TP63: variants seen among roughly 807,000 people sequenced by gnomAD.
TP63 encodes tumor protein p63.
TP63 carries 17 observed loss-of-function variants against 82.8 expected under a neutral mutation model. The ratio of observed to expected loss-of-function variants is 0.21; its 90% CI spans 0.14 to 0.31. The LOEUF (loss-of-function observed/expected upper bound fraction) is 0.31. Among genes scored for constraint, TP63 ranks in the 10% least tolerant of loss-of-function variants. The probability of loss-of-function intolerance (pLI) is 1.00; values close to 1 mark genes in which losing one functional copy is unlikely to be tolerated. For synonymous variants in TP63, 330 were observed against 321.7 expected, an observed-to-expected ratio of 1.03 and a Z score of -0.28; for missense variants, 648 against 895.3, an observed-to-expected ratio of 0.72 and a Z score of 3.52.
intron 4 of TP63, among the ~76,000 whole-genome samples, chr3:189,847,971 A>G (rs1019708380): frequency 3.9e-5 from 6 of 152,114 alleles, no homozygotes; most frequent in Admixed American, 2.0e-4. Flanking sequence ...TATTCACTCA[A>G]ATTCACTCTG....
chr3:189,733,530 T>C (rs1279333834), intron 1 of TP63, among the ~76,000 whole-genome samples: 1 of 152,216 alleles, frequency 6.6e-6, no homozygotes, highest in Non-Finnish European at 1.5e-5. Context: ...TTTGGATCTT[T>C]GGATGTTGGG....
intron 7 of TP63, 59 bp downstream of exon 7, chr3:189,868,001 T>C: frequency 7.2e-7 from 1 of 1,393,736 alleles, no homozygotes; most frequent in South Asian, 1.2e-5. Flanking sequence ...GAGGGCAAAG[T>C]GAAATCGTGG....
Position 189,770,145 on chromosome 3 carries a change from A to G in TP63, c.324+31371A>G, listed in dbSNP as rs77001531. ...TTAGTGCCTTTAGAAAAGTGGTACA[A>G]TCTGAATCTTCTAAATGCTGCATAT... On this transcript the variant is annotated intron_variant, in intron 3 of 13. Transcript: ENST00000264731. Among the ~76,000 whole-genome samples the G allele has an allele frequency of 9.8e-3, 1,493 of 152,340 alleles. 18 individuals are homozygous for G. The highest frequency in any genetic ancestry group is 0.033 in the African/African-American group (1,374 of 41,570).
chr3:189,861,341 G>A (rs959536936), intron 4 of TP63, among the ~76,000 whole-genome samples: 1 of 152,030 alleles, frequency 6.6e-6, no homozygotes, highest in African/African-American at 2.4e-5. Context: ...TCAGGGAATA[G>A]CATTTTGAAT....
rs375773035 is a variant in TP63 at position 189,679,975 on chromosome 3, C to G, written c.62+48398C>G. Reference sequence around the variant, plus strand: ...TCTCTATTCTGTTCCATTTGGTATACATGTTAGTTTTTATGACAGTACCAC... The same window carrying G: ...TCTCTATTCTGTTCCATTTGGTATAGATGTTAGTTTTTATGACAGTACCAC... On this transcript the variant is annotated intron_variant, in intron 1 of 13. Coordinates refer to ENST00000264731, the MANE Select transcript of TP63 (RefSeq NM_003722.5). Among the ~76,000 whole-genome samples the G allele has an allele frequency of 4.6e-5, 7 of 152,230 alleles. No individual in the cohort carries two copies. In the East Asian group the frequency reaches 1.2e-3, roughly 25 times the overall value.
intron 6 of TP63, among the ~76,000 whole-genome samples, chr3:189,867,271 A>G (rs1176097572): frequency 1.3e-5 from 2 of 152,090 alleles, no homozygotes; most frequent in Non-Finnish European, 2.9e-5. Context: ...ACAGGACCCA[A>G]GTTCTTTGGT....
intron 3 of TP63, among the ~76,000 whole-genome samples, chr3:189,746,180 T>A (rs1384573158): frequency 6.6e-6 from 1 of 151,848 alleles, no homozygotes; most frequent in Non-Finnish European, 1.5e-5. Flanking sequence ...AAAAGTTTTG[T>A]CACTTATAAA....
intron 3 of TP63, among the ~76,000 whole-genome samples, chr3:189,803,572 A>C (rs1726546201): frequency 6.6e-6 from 1 of 152,182 alleles, no homozygotes; most frequent in Non-Finnish European, 1.5e-5. Context: ...GGGTATCTTT[A>C]TACCTACCAT....
At chr3:189,661,971 T>A (rs973465282) in intron 1 of TP63, among the ~76,000 whole-genome samples, 2 of 152,224 alleles carry the variant, frequency 1.3e-5, no homozygotes, top group Middle Eastern at 6.8e-3. Context: ...TCTTTGTTAA[T>A]CTAGCTAGAG....
At chr3:189,657,755 A>G (rs1713513026) in intron 1 of TP63, among the ~76,000 whole-genome samples, 2 of 152,116 alleles carry the variant, frequency 1.3e-5, no homozygotes, top group South Asian at 2.1e-4. Context: ...TTTACCTTGT[A>G]TTAGATATGG....
intron 1 of TP63, among the ~76,000 whole-genome samples, chr3:189,647,288 T>C (rs942489405): frequency 6.8e-6 from 1 of 147,098 alleles, no homozygotes; most frequent in African/African-American, 2.5e-5. Context: ...TTCTAGGCTT[T>C]TCTTAATTAG....
At chr3:189,834,035 T>C (rs1712754167) in intron 4 of TP63, among the ~76,000 whole-genome samples, 1 of 152,172 alleles carries the variant, frequency 6.6e-6, no homozygotes, top group South Asian at 2.1e-4. Flanking sequence ...CGTATGTGCA[T>C]TTGTGTTGCA....
chr3:189,860,345 A>G (rs1028259362), intron 4 of TP63, among the ~76,000 whole-genome samples: 1 of 152,190 alleles, frequency 6.6e-6, no homozygotes, highest in African/African-American at 2.4e-5. Flanking sequence ...CCATGTTCCA[A>G]TCTTGCAGAA....
chr3:189,610,197 C>A, the TP63 span, among the ~76,000 whole-genome samples: 1 of 152,012 alleles, frequency 6.6e-6, no homozygotes, highest in Non-Finnish European at 1.5e-5. Flanking sequence ...TCTGTTCATG[C>A]AATTTACCCA....
At chr3:189,721,260 G>C (rs1577301477) in intron 1 of TP63, among the ~76,000 whole-genome samples, 2 of 152,326 alleles carry the variant, frequency 1.3e-5, no homozygotes, top group East Asian at 3.9e-4. Flanking sequence ...AGGGCTACTT[G>C]TGTAACAGAG....
At chr3:189,829,908 A>G (rs73199745) in intron 4 of TP63, 39,258 of 391,952 alleles carry the variant, frequency 0.1, 2,413 homozygotes, top group Middle Eastern at 0.16. Flanking sequence ...TTTCTGCAGT[A>G]AATTTGTATT....
chr3:189,740,527 T>G (rs1344482883), intron 3 of TP63, among the ~76,000 whole-genome samples: 1 of 152,266 alleles, frequency 6.6e-6, no homozygotes, highest in South Asian at 2.1e-4. Context: ...ATGAGCAGGG[T>G]CTCCCTCTGT....
At chr3:189,648,607 C>CTT (rs1712620090) in intron 1 of TP63, among the ~76,000 whole-genome samples, 1 of 147,258 alleles carries the variant, frequency 6.8e-6, no homozygotes, top group Non-Finnish European at 1.5e-5. Context: ...AGAAACTTTT[C>CTT]TCTCTCATTA....
At chr3:189,886,759 A>G (rs1720487294) in intron 11 of TP63, among the ~76,000 whole-genome samples, 1 of 152,154 alleles carries the variant, frequency 6.6e-6, no homozygotes, top group South Asian at 2.1e-4. Flanking sequence ...AGAGATAGGG[A>G]CGGATGTTTC....
Sources: gnomAD v4.1 joint callset for allele counts (sites outside exome capture counted in the v4.1 genomes callset) on GRCh38, gnomAD v4.1.1 for gene constraint, MANE v1.5 for transcripts, NCBI Gene and HGNC (gene_info 2026-07-23, HGNC 2026-07-21) for gene names.